ERAP1: variants seen among roughly 807,000 people sequenced by gnomAD.
ERAP1 encodes endoplasmic reticulum aminopeptidase 1, also known as adipocyte-derived leucine aminopeptidase.
Under a neutral mutation model 103.7 loss-of-function variants are expected in ERAP1, and 86 were observed. The ratio of observed to expected loss-of-function variants is 0.83; its 90% CI spans 0.70 to 0.99. ERAP1 has a LOEUF of 0.99. Among genes scored for constraint, ERAP1 ranks in the 50% least tolerant of loss-of-function variants. The pLI, the probability that ERAP1 is intolerant of heterozygous loss-of-function variation, is 0.00. For synonymous variants in ERAP1, 398 were observed against 402.4 expected (o/e 0.99, Z 0.13); for missense variants, 1,009 against 1,128.4 (o/e 0.89, Z 1.52).
At chr5:96,828,667 T>C in the ERAP1 span, among the ~76,000 whole-genome samples, 9 of 152,068 alleles carry the variant, frequency 5.9e-5, no homozygotes, top group Non-Finnish European at 8.8e-5. Flanking sequence ...AGAGCCATAC[T>C]GACCCCATCC....
At chr5:96,799,308 A>G (rs1252087011) in intron 3 of ERAP1, among the ~76,000 whole-genome samples, 3 of 152,120 alleles carry the variant, frequency 2.0e-5, no homozygotes, top group Non-Finnish European at 4.4e-5. Flanking sequence ...CTGGTCTCCA[A>G]AAAGATCTTT....
chr5:96,787,907 G>A (rs1776278808), intron 11 of ERAP1, among the ~76,000 whole-genome samples: 1 of 151,424 alleles, frequency 6.6e-6, no homozygotes, highest in Admixed American at 6.6e-5. Flanking sequence ...GAGAGAGGGA[G>A]GTGAAGAAAG....
At chr5:96,868,402 G>A in the ERAP1 span, among the ~76,000 whole-genome samples, 1 of 152,184 alleles carries the variant, frequency 6.6e-6, no homozygotes, top group Non-Finnish European at 1.5e-5. Flanking sequence ...TTTGCCTTAT[G>A]CTGTCTTTTG....
the ERAP1 span, among the ~76,000 whole-genome samples, chr5:96,921,434 G>A: frequency 2.0e-5 from 3 of 149,450 alleles, no homozygotes; most frequent in Admixed American, 1.3e-4. Flanking sequence ...TACTTAGAAA[G>A]CTGGCAGTAT....
downstream of ERAP1, chr5:96,769,721 C>T (rs1771534454): frequency 6.6e-6 from 1 of 151,734 alleles, no homozygotes; most frequent in Non-Finnish European, 1.5e-5. Context: ...ATCCTTTGAC[C>T]TATATCTCTG....
the ERAP1 span, chr5:96,917,466 A>G: frequency 6.2e-7 from 1 of 1,610,028 alleles, no homozygotes; most frequent in Non-Finnish European, 8.5e-7. Flanking sequence ...TTACAGGTGA[A>G]ACTATTTTTT....
In ERAP1 at chr5:96,761,461, TAAC is replaced by T. The variant is rs530887084; in HGVS notation, c.*1736_*1738del. ...AATTAGTTTAAATAATTTCCAATAA[TAAC>T]ATGCTGAAATGAATTTCTGAATGTT... On this transcript the variant is annotated 3_prime_UTR_variant, in exon 20 of 20. Transcript: ENST00000296754. 8.2e-4 allele frequency: 125 copies of T among 152,302 alleles called. 2 individuals are homozygous for T. The highest frequency in any genetic ancestry group is 2.9e-3 in the African/African-American group (120 of 41,586). The allele number at this position is 152,302 out of a possible 1,614,324, so 9.4% of individuals were successfully genotyped here. A position where few individuals can be genotyped will look rare whatever the true frequency, so the allele number is the denominator to read the frequency against.
At chr5:96,812,913 G>A (rs112392446), upstream of ERAP1, among the ~76,000 whole-genome samples, 215 of 152,302 alleles carry the variant, frequency 1.4e-3, no homozygotes, top group African/African-American at 5.0e-3. Context: ...ATTAGATTGT[G>A]ATTATGGAAG....
the ERAP1 span, among the ~76,000 whole-genome samples, chr5:96,866,677 G>T: frequency 2.6e-5 from 4 of 152,136 alleles, no homozygotes; most frequent in African/African-American, 9.7e-5. Flanking sequence ...GCACCTTCTA[G>T]GAGAGACCTC....
chr5:96,862,026 G>T, the ERAP1 span, among the ~76,000 whole-genome samples: 1 of 152,144 alleles, frequency 6.6e-6, no homozygotes, highest in African/African-American at 2.4e-5. Flanking sequence ...TGTCACCCAG[G>T]TTGGAGTGCA....
the ERAP1 span, chr5:96,892,332 C>T: frequency 6.2e-7 from 1 of 1,613,862 alleles, no homozygotes; most frequent in Non-Finnish European, 8.5e-7. Context: ...GCACCTGGAG[C>T]CATGGAAAAT....
the ERAP1 span, among the ~76,000 whole-genome samples, chr5:96,920,659 T>C: frequency 2.0e-5 from 3 of 152,376 alleles, no homozygotes; most frequent in African/African-American, 7.2e-5. Flanking sequence ...CTATTCTTTA[T>C]TGACCTTCTT....
chr5:96,891,938 T>G, the ERAP1 span, among the ~76,000 whole-genome samples: 2 of 152,162 alleles, frequency 1.3e-5, no homozygotes, highest in Admixed American at 1.3e-4. Flanking sequence ...TTGATACCCT[T>G]TTTAAAGTTT....
At chr5:96,913,605 G>T in the ERAP1 span, 1 of 916,916 alleles carries the variant, frequency 1.1e-6, no homozygotes, top group Non-Finnish European at 1.7e-6. Context: ...AAACTCCCTA[G>T]CCCAAATTAT....
chr5:96,923,448 A>C, the ERAP1 span, among the ~76,000 whole-genome samples: 1 of 152,166 alleles, frequency 6.6e-6, no homozygotes, highest in Non-Finnish European at 1.5e-5. Flanking sequence ...TAATCTCAGC[A>C]CTTTGGGAGG....
rs748037548 is a variant in ERAP1 at position 96,797,313 on chromosome 5, A to G, written c.664-4T>C. On this transcript the variant is annotated splice_region_variant and splice_polypyrimidine_tract_variant and intron_variant, in intron 3 of 18. Transcript: ENST00000443439. ...CAGCAACAGTCACAGATTTCACCTAAAATCAGAATAATTCAAATTATCAAG... is the reference window on the plus strand; with the variant it reads ...CAGCAACAGTCACAGATTTCACCTAGAATCAGAATAATTCAAATTATCAAG... 1 of 1,613,482 alleles carries G rather than the reference A, an allele frequency of 6.2e-7. No individual in the cohort carries two copies.
chr5:96,889,858 ACACACG>A, the ERAP1 span, among the ~76,000 whole-genome samples: 20 of 149,600 alleles, frequency 1.3e-4, no homozygotes, highest in African/African-American at 4.5e-4. Flanking sequence ...ACACACACAC[ACACACG>A]CATTGCATAT....
intron 19 of ERAP1, chr5:96,768,035 T>TGAAAAA: frequency 1.5e-6 from 2 of 1,317,812 alleles, no homozygotes; most frequent in Non-Finnish European, 2.2e-6. Context: ...CTTTGAAATG[T>TGAAAAA]GTGTGTGTGT....
At chr5:96,883,697 C>G in the ERAP1 span, 1 of 1,255,028 alleles carries the variant, frequency 8.0e-7, no homozygotes, top group Non-Finnish European at 1.1e-6. Flanking sequence ...AAGTCTATTA[C>G]CCCCAGGTTT....
Sources: gnomAD v4.1 joint callset for allele counts (sites outside exome capture counted in the v4.1 genomes callset) on GRCh38, gnomAD v4.1.1 for gene constraint, MANE v1.5 for transcripts, NCBI Gene and HGNC (gene_info 2026-07-23, HGNC 2026-07-21) for gene names.